The following GABRD variants were observed in gnomAD, a reference collection of about 807,000 sequenced individuals.
GABRD encodes the protein gamma-aminobutyric acid receptor subunit delta.
A neutral mutation model predicts 47.3 loss-of-function variants in GABRD; 25 were observed. The observed-to-expected ratio is 0.53, with a 90% confidence interval of 0.39 to 0.74. GABRD has a LOEUF of 0.74. GABRD is among the 30% of genes least tolerant of loss of function. GABRD has a pLI of 0.00. For missense variants in GABRD, 497 were observed against 643.4 expected (o/e 0.77, Z 2.46); for synonymous variants, 314 against 278.8 (o/e 1.13, Z -1.26).
At chr1:2,023,051 A>AG (rs1658822933) in intron 1 of GABRD, among the ~76,000 whole-genome samples, 1 of 152,090 alleles carries the variant, frequency 6.6e-6, no homozygotes, top group Non-Finnish European at 1.5e-5. Flanking sequence ...GACGCACCTG[A>AG]GGATAAAGTG....
In GABRD at chr1:2,019,436, G is replaced by A. The variant is rs1258077671; in HGVS notation, c.13G>A (p.Ala5Thr). Residue 5 changes from alanine (A) to threonine (T), a missense_variant, in exon 1 of 9, where the codon GCC becomes ACC. Physicochemically the swap from Ala to Thr is moderately conservative, Grantham distance 58 (BLOSUM62 0). This residue lies in a region of GABRD where 91 missense variants were observed against 85.5 expected (regional missense o/e 1.06). Transcript: ENST00000378585. ...GCCCGCCGCGGCCATGGACGCGCCC[G>A]CCCGGCTGCTGGCCCCGCTCCTGCT... The part of the protein sequence containing the change: MDAP[A>T]RLLAPLLLLC... 1.8e-6 allele frequency: 2 copies of A among 1,097,318 alleles called. No homozygotes were observed. Among genetic ancestry groups the A allele is most frequent in the Non-Finnish European group, 2.2e-6 (2 of 903,864 alleles). The allele number at this position is 1,097,318 out of a possible 1,614,324, so 68.0% of individuals were successfully genotyped here.
At chr1:2,029,901 C>T (rs950334423) in intron 8 of GABRD, 82 bp from the exon 9 acceptor site, 60 of 1,569,702 alleles carry the variant, frequency 3.8e-5, no homozygotes, top group South Asian at 4.5e-5. Flanking sequence ...GCGGGGCCCC[C>T]GCATGGGAAC....
chr1:2,025,856 C>G, intron 4 of GABRD, 118 bp downstream of exon 4: 1 of 820,676 alleles, frequency 1.2e-6, no homozygotes. Context: ...AGCTGGCGGG[C>G]GGGCGGAGGG....
At chr1:2,025,804 G>A (rs1032882308) in intron 4 of GABRD, 66 bp downstream of exon 4, 39 of 1,448,858 alleles carry the variant, frequency 2.7e-5, no homozygotes, top group African/African-American at 9.8e-5. Flanking sequence ...GCGCCTGGAC[G>A]CTCCAAGGCT....
At chr1:2,026,081 C>G (rs753972916) in intron 4 of GABRD, among the ~76,000 whole-genome samples, 1 of 152,332 alleles carries the variant, frequency 6.6e-6, no homozygotes, top group Non-Finnish European at 1.5e-5. Context: ...TGTGCAACCC[C>G]ACCTCTGTCT....
rs757988403 is a variant in GABRD at position 2,030,084 on chromosome 1, G to A, written c.1161G>A (p.Leu387=). The stretch of plus-strand genomic sequence containing the variant: ...GGCAGCGCCGCGTCCCGGGGAACCT[G>A]ATGGGCTCCTACAGGTCGGTGGGGG... The part of the protein sequence containing the change: ...SRRQRRVPGN[L]MGSYRSVGVE... The change falls in exon 9 of 9, where the codon CTG becomes CTA. Residue 387 remains leucine, a synonymous_variant. Coordinates refer to ENST00000378585, the MANE Select transcript of GABRD (RefSeq NM_000815.5). 1.3e-5 allele frequency: 21 copies of A among 1,606,916 alleles called. No homozygotes were observed. Among genetic ancestry groups the A allele is most frequent in the Admixed American group, 5.1e-5 (3 of 59,038 alleles).
Position 2,025,491 on chromosome 1 carries a change from C to T in GABRD, c.250-27C>T, listed in dbSNP as rs1309384109. ...GCCCCTGGGGGTGGAGCAAGGCTGA[C>T]CCCCGGCCCCTGTGCCACCTCCACA... On this transcript the variant is annotated intron_variant, in intron 3 of 8. Coordinates refer to ENST00000378585, the MANE Select transcript of GABRD (RefSeq NM_000815.5). 3.1e-6 allele frequency: 5 copies of T among 1,611,282 alleles called. No individual in the cohort carries two copies. In the South Asian group the frequency reaches 4.4e-5, roughly 14 times the overall value.
rs1016982799 is a variant in GABRD, at chr1:2,027,348, C to G, written c.471-229C>G. The G allele has an allele frequency of 9.7e-5, 56 of 579,160 alleles. No homozygotes were observed. The African/African-American group carries it at 1.0e-3, about 10-fold the overall frequency. 35.9% of individuals were successfully genotyped at this position (579,160 alleles called of 1,614,324 possible). On this transcript the variant is annotated intron_variant, in intron 4 of 8. Transcript: ENST00000378585. ...CCCCCAGCCTAGTTCAATAGTCAAG[C>G]GTTTTGAAGAGAATGAATGAAATCC... is the stretch of plus-strand genomic sequence containing the variant.
At chr1:2,020,867 T>C (rs561599951) in intron 1 of GABRD, among the ~76,000 whole-genome samples, 11 of 152,352 alleles carry the variant, frequency 7.2e-5, no homozygotes, top group African/African-American at 2.4e-4. Context: ...TTCTCATCTT[T>C]ATTAATCCTA....
chr1:2,029,473 G>A (rs962083466), intron 7 of GABRD, 78 bp from the exon 8 acceptor site: 9 of 1,578,002 alleles, frequency 5.7e-6, no homozygotes, highest in Non-Finnish European at 7.7e-6. Context: ...ACCCTCATCC[G>A]TGGGTCACAG....
At chr1:2,020,169 C>T (rs1208860001) in intron 1 of GABRD, among the ~76,000 whole-genome samples, 2 of 152,156 alleles carry the variant, frequency 1.3e-5, no homozygotes, top group South Asian at 2.1e-4. Flanking sequence ...AGAAGGAGGC[C>T]CCCCGGGGCT....
At chr1:2,027,747 C>G (rs6688232) in intron 5 of GABRD, 88 bp downstream of exon 5, 10 of 1,218,086 alleles carry the variant, frequency 8.2e-6, no homozygotes, top group East Asian at 2.5e-5. Context: ...AAGGCTGGCC[C>G]GGCTCAGGAT....
At chr1:2,023,215 G>A (rs1316226860) in intron 1 of GABRD, among the ~76,000 whole-genome samples, 1 of 152,096 alleles carries the variant, frequency 6.6e-6, no homozygotes, top group East Asian at 1.9e-4. Flanking sequence ...CCAGACCTCT[G>A]TGCCCTGCCC....
At chr1:2,027,951 C>G in intron 5 of GABRD, 1 of 622,532 alleles carries the variant, frequency 1.6e-6, no homozygotes, top group Non-Finnish European at 2.8e-6. Flanking sequence ...CAACGGTGAC[C>G]CCATCTGTGT....
At position 2,024,922 on chromosome 1, in the gene GABRD, CG is replaced by C. The variant is rs760530641; in HGVS notation, c.69-18del. 6.4e-7 allele frequency: 1 copy of C among 1,558,536 alleles called. No individual in the cohort carries two copies. Among genetic ancestry groups the C allele is most frequent in the South Asian group, 1.1e-5 (1 of 89,884 alleles). On this transcript the variant is annotated intron_variant, in intron 1 of 8. Coordinates refer to ENST00000378585, the MANE Select transcript of GABRD (RefSeq NM_000815.5). Reference sequence around the variant, plus strand: ...TAAATTAAGTCCTGGCCTGTCTGACCGGTGGCTTTGCATCCCCAGAGCGATG... The same window carrying C: ...TAAATTAAGTCCTGGCCTGTCTGACCGTGGCTTTGCATCCCCAGAGCGATG...
intron 4 of GABRD, among the ~76,000 whole-genome samples, chr1:2,026,231 G>A (rs535393347): frequency 2.6e-5 from 4 of 152,276 alleles, no homozygotes; most frequent in South Asian, 4.1e-4. Context: ...ACATTTCATC[G>A]AAAGGGAATC....
chr1:2,019,623 TCCCTCCC>T, intron 1 of GABRD, 132 bp downstream of exon 1: 1 of 411,072 alleles, frequency 2.4e-6, no homozygotes, highest in Non-Finnish European at 3.4e-6. Context: ...CCCCGCGTCC[TCCCTCCC>T]CGGGGTCTTG....
chr1:2,028,940 C>T lies in GABRD; in HGVS notation c.692-171C>T. The T allele has an allele frequency of 1.3e-6, 1 of 776,980 alleles. No individual in the cohort carries two copies. The highest frequency in any genetic ancestry group is 2.0e-6 in the Non-Finnish European group (1 of 495,682). 48.1% of individuals were successfully genotyped at this position (776,980 alleles called of 1,614,324 possible). A position where few individuals can be genotyped will look rare whatever the true frequency, so the allele number is the denominator to read the frequency against. On this transcript the variant is annotated intron_variant, in intron 6 of 8. Transcript: ENST00000378585. This position sits in a 1 kb window ranked among gnomAD's most constrained non-coding sequence, Gnocchi z 6.4. ...GCCTGTCCTGTGGCCAGACCTAGGG[C>T]CGGAGGCCCCCTGACATTTCAGGCC... is the stretch of plus-strand genomic sequence containing the variant.
At chr1:2,029,039 T>A in intron 6 of GABRD, 72 bp from the exon 7 acceptor site, 1 of 1,522,058 alleles carries the variant, frequency 6.6e-7, no homozygotes, top group Non-Finnish European at 8.8e-7. Context: ...TGCCAAGCCC[T>A]GCAGCCCCTG....
Sources: gnomAD v4.1 joint callset for allele counts (sites outside exome capture counted in the v4.1 genomes callset) on GRCh38, gnomAD v4.1.1 for gene constraint, gnomAD v4.1.1 regional missense constraint, Gnocchi (gnomAD v3.1) non-coding constraint, MANE v1.5 for transcripts, NCBI Gene and HGNC (gene_info 2026-07-23, HGNC 2026-07-21) for gene names.